The following SCIN variants were observed in gnomAD, a reference collection of about 807,000 sequenced individuals.
SCIN encodes the protein adseverin.
Under a neutral mutation model 91.8 loss-of-function variants are expected in SCIN, and 91 were observed. That is an observed-to-expected ratio of 0.99 (90% confidence interval 0.84 to 1.18). The LOEUF is 1.18. Ranked by LOEUF, SCIN falls within the 50% of genes most tolerant of loss-of-function variation. The pLI is 0.00. For synonymous variants in SCIN, 367 were observed against 312.6 expected (o/e 1.17, Z -1.84); for missense variants, 1,087 against 863.9 (o/e 1.26, Z -3.24).
chr7:12,602,686 A>G (rs986453665), intron 3 of SCIN, among the ~76,000 whole-genome samples: 3 of 152,188 alleles, frequency 2.0e-5, no homozygotes, highest in Admixed American at 2.0e-4. Context: ...ACGTCCATTT[A>G]TAGACTCTCT....
chr7:12,601,218 AGAGACTATT>A (rs1164342672), intron 3 of SCIN, among the ~76,000 whole-genome samples: 2 of 152,214 alleles, frequency 1.3e-5, no homozygotes, highest in Non-Finnish European at 2.9e-5. Flanking sequence ...CGGGGGTCAG[AGAGACTATT>A]GCAAGCCTAC....
rs768861656 is a variant in SCIN, at chr7:12,625,712, A to T, written c.893-50A>T. 2.9e-5 allele frequency: 35 copies of T among 1,203,768 alleles called. No individual in the cohort carries two copies. The East Asian group carries it at 8.2e-4, about 28-fold the overall frequency. The allele number at this position is 1,203,768 out of a possible 1,614,324, so 74.6% of individuals were successfully genotyped here. Reference sequence around the variant, plus strand: ...TACACAAGTATTTCTTAATCATAGAATGTCTTCCTTCTCTGAAGTTCTTTC... The same window carrying T: ...TACACAAGTATTTCTTAATCATAGATTGTCTTCCTTCTCTGAAGTTCTTTC... On this transcript the variant is annotated intron_variant, in intron 6 of 15. Coordinates refer to ENST00000297029, the MANE Select transcript of SCIN (RefSeq NM_001112706.3).
chr7:12,657,553 TATATATATATATA>T lies in SCIN; in HGVS notation c.*4839_*4851del, dbSNP rs1784185292. On this transcript the variant is annotated 3_prime_UTR_variant, in exon 16 of 16. Transcript: ENST00000297029. ...ATATGTGTGTGTATATATATATATATATATATATATATATATATATTTTTTTTTTTTTTTTTTT... is the reference window on the plus strand; with the variant it reads ...ATATGTGTGTGTATATATATATATATTATATATTTTTTTTTTTTTTTTTTT... The T allele has an allele frequency of 7.5e-4, 15 of 19,932 alleles. No individual in the cohort carries two copies. The highest frequency in any genetic ancestry group is 1.2e-3 in the Non-Finnish European group (10 of 8,296). 1.2% of individuals were successfully genotyped at this position (19,932 alleles called of 1,614,324 possible).
intron 2 of SCIN, among the ~76,000 whole-genome samples, 196 bp from the exon 3 acceptor site, chr7:12,580,864 G>C (rs1562594864): frequency 1.3e-5 from 2 of 152,168 alleles, no homozygotes; most frequent in African/African-American, 4.8e-5. Flanking sequence ...AGAATAAAGA[G>C]ACCAAACAAA....
At chr7:12,585,578 T>C (rs1340404197) in intron 3 of SCIN, among the ~76,000 whole-genome samples, 1 of 152,144 alleles carries the variant, frequency 6.6e-6, no homozygotes. Flanking sequence ...ACTCAACACA[T>C]CTAGAAAATG....
intron 8 of SCIN, among the ~76,000 whole-genome samples, chr7:12,627,259 C>A (rs1224982233): frequency 6.6e-6 from 1 of 152,114 alleles, no homozygotes; most frequent in Admixed American, 6.5e-5. Flanking sequence ...TGACCCTTTC[C>A]GTCATCTTGG....
chr7:12,638,844 A>T (rs550523489), intron 10 of SCIN, among the ~76,000 whole-genome samples: 71 of 152,300 alleles, frequency 4.7e-4, no homozygotes, highest in African/African-American at 1.6e-3. Flanking sequence ...GAATTCTTTA[A>T]ATGCACTCAA....
At chr7:12,644,813 C>T (rs563294042) in intron 13 of SCIN, 108 bp downstream of exon 13, 88 of 1,043,534 alleles carry the variant, frequency 8.4e-5, no homozygotes, top group South Asian at 2.9e-4. Context: ...GTCAGGAGTT[C>T]GAGACCAGCC....
At position 12,622,885 on chromosome 7, in the gene SCIN, C is replaced by G; in HGVS notation, c.751C>G (p.Leu251Val). Reference protein sequence around the residue: ...ADISNRKMAKLYMVSDASGSM... With the variant: ...ADISNRKMAKVYMVSDASGSM... ...CATAAGTAACAGGAAAATGGCTAAA[C>G]TATACATGGTGAGTTCACTGTAACC... The change falls in exon 5 of 16, where the codon CTA (leucine) becomes GTA (valine). Residue 251 changes from leucine (L) to valine (V), a missense_variant. By Grantham distance (32) the Leu-to-Val change is conservative. Transcript: ENST00000297029. 1.2e-6 allele frequency: 2 copies of G among 1,610,384 alleles called. No homozygotes were observed. The highest frequency in any genetic ancestry group is 4.5e-5 in the East Asian group (2 of 44,818).
chr7:12,571,680 T>C, intron 1 of SCIN: 1 of 406,480 alleles, frequency 2.5e-6, no homozygotes, highest in South Asian at 1.9e-5. Context: ...ATATGGGTAT[T>C]TCATATATTT....
intron 10 of SCIN, among the ~76,000 whole-genome samples, chr7:12,637,153 T>C (rs954409253): frequency 2.6e-5 from 4 of 152,152 alleles, no homozygotes; most frequent in Non-Finnish European, 5.9e-5. Context: ...GATGATAAAT[T>C]TGTGTTGTTT....
rs556703633 is a variant in SCIN at position 12,655,167 on chromosome 7, A to T, written c.*2452A>T. 1.3e-5 allele frequency: 2 copies of T among 152,322 alleles called. No homozygotes were observed. The highest frequency in any genetic ancestry group is 4.8e-5 in the African/African-American group (2 of 41,584). The allele number at this position is 152,322 out of a possible 1,614,324, so 9.4% of individuals were successfully genotyped here. A position where few individuals can be genotyped will look rare whatever the true frequency, so the allele number is the denominator to read the frequency against. On this transcript the variant is annotated 3_prime_UTR_variant, in exon 16 of 16. Coordinates refer to ENST00000297029, the MANE Select transcript of SCIN (RefSeq NM_001112706.3). ...TTACTTATAATACCTAATACAGTGT[A>T]AACGCTGTGTAAACAGTTGTTATAC...
At chr7:12,577,333 C>T (rs1212127903) in intron 1 of SCIN, among the ~76,000 whole-genome samples, 1 of 152,144 alleles carries the variant, frequency 6.6e-6, no homozygotes, top group Non-Finnish European at 1.5e-5. Flanking sequence ...CTCTGATGCT[C>T]ATATTTCTCA....
chr7:12,611,511 A>G (rs1359363765), intron 4 of SCIN, among the ~76,000 whole-genome samples: 1 of 152,140 alleles, frequency 6.6e-6, no homozygotes, highest in Non-Finnish European at 1.5e-5. Flanking sequence ...TGTACATTTA[A>G]ATAAAGAATG....
Position 12,597,275 on chromosome 7 carries a change from G to T in SCIN, c.517-7239G>T, listed in dbSNP as rs539161993. ...CTCTAGGCTAAAGATACATCTTAAT[G>T]AATTTCTATATTTGGGTAACTAGAT... is the stretch of plus-strand genomic sequence containing the variant. On this transcript the variant is annotated intron_variant, in intron 3 of 15. Coordinates refer to ENST00000297029, the MANE Select transcript of SCIN (RefSeq NM_001112706.3). Among the ~76,000 whole-genome samples the T allele has an allele frequency of 5.7e-4, 87 of 152,276 alleles. 1 individual carries two copies. In the South Asian group the frequency reaches 0.017, roughly 30 times the overall value.
At chr7:12,625,199 G>T (rs1232990209) in intron 6 of SCIN, 57 bp downstream of exon 6, 2 of 1,376,034 alleles carry the variant, frequency 1.5e-6, no homozygotes, top group Non-Finnish European at 9.7e-7. Flanking sequence ...TCCTCTATAA[G>T]GGTAAATAAA....
At chr7:12,605,143 C>G (rs1783050875) in intron 4 of SCIN, among the ~76,000 whole-genome samples, 1 of 152,108 alleles carries the variant, frequency 6.6e-6, no homozygotes, top group Admixed American at 6.5e-5. Context: ...GCTCTGCCTC[C>G]CGGGTTCACG....
chr7:12,643,401 A>G (rs1482192033), intron 11 of SCIN, among the ~76,000 whole-genome samples: 2 of 152,176 alleles, frequency 1.3e-5, no homozygotes, highest in African/African-American at 4.8e-5. Context: ...TGTATTAGAA[A>G]TTGGAAGCCC....
At chr7:12,620,814 C>T (rs539746214) in intron 4 of SCIN, among the ~76,000 whole-genome samples, 13 of 152,110 alleles carry the variant, frequency 8.5e-5, no homozygotes, top group Admixed American at 2.0e-4. Flanking sequence ...ATTTAGATGA[C>T]GGCAATACTT....
Sources: gnomAD v4.1 joint callset for allele counts (sites outside exome capture counted in the v4.1 genomes callset) on GRCh38, gnomAD v4.1.1 for gene constraint, MANE v1.5 for transcripts, NCBI Gene and HGNC (gene_info 2026-07-23, HGNC 2026-07-21) for gene names.